Variants in PTPRT observed in about 807,000 individuals in gnomAD.
The protein encoded by PTPRT is receptor-type tyrosine-protein phosphatase T.
In PTPRT, 56 loss-of-function variants were observed where a neutral mutation model predicts 176.8. The ratio of observed to expected loss-of-function variants is 0.32; its 90% confidence interval spans 0.26 to 0.40. The LOEUF (loss-of-function observed/expected upper bound fraction) is 0.40. PTPRT is among the 10% of genes least tolerant of loss of function. The pLI is 1.00. For synonymous variants in PTPRT, 783 were observed against 739.0 expected, an observed-to-expected ratio of 1.06 and a Z score of -0.96; for missense variants, 1,540 against 1,908.2, an observed-to-expected ratio of 0.81 and a Z score of 3.60.
intron 9 of PTPRT, among the ~76,000 whole-genome samples, chr20:42,357,570 A>G (rs1862703100): frequency 6.6e-6 from 1 of 152,206 alleles, no homozygotes; most frequent in Admixed American, 6.5e-5. Context: ...CCTGGAAGAC[A>G]AGCCATTGTT....
In PTPRT at chr20:42,470,361, T is replaced by C. The variant is rs571281502; in HGVS notation, c.1450+1905A>G. 5.9e-5 allele frequency among the ~76,000 whole-genome samples: 9 copies of C among 152,256 alleles called. No homozygotes were observed. In the East Asian group the frequency reaches 1.7e-3, roughly 29 times the overall value. On this transcript the variant is annotated intron_variant, in intron 8 of 30. Transcript: ENST00000373187. Reference sequence around the variant, plus strand: ...CTGAACAGTTCCCTGAAGGCTCAGGTTGCAGCCAGTTTTTGCTGGACTTGG... The same window carrying C: ...CTGAACAGTTCCCTGAAGGCTCAGGCTGCAGCCAGTTTTTGCTGGACTTGG...
chr20:42,105,756 C>G (rs893757966), intron 24 of PTPRT, among the ~76,000 whole-genome samples: 1 of 152,232 alleles, frequency 6.6e-6, no homozygotes, highest in African/African-American at 2.4e-5. Flanking sequence ...TGTGAGTTAG[C>G]TCAGAGCCTA....
intron 7 of PTPRT, among the ~76,000 whole-genome samples, chr20:42,654,071 C>A (rs1407958066): frequency 6.6e-6 from 1 of 152,100 alleles, no homozygotes; most frequent in Non-Finnish European, 1.5e-5. Context: ...GCTGGAGAAG[C>A]TCTTGCAGGG....
At chr20:42,391,047 A>G (rs1002554291) in intron 9 of PTPRT, among the ~76,000 whole-genome samples, 3 of 152,210 alleles carry the variant, frequency 2.0e-5, no homozygotes, top group African/African-American at 2.4e-5. Context: ...AAGGGCCACA[A>G]TTAAACACAA....
chr20:42,163,332 T>G (rs1313339266), intron 16 of PTPRT, among the ~76,000 whole-genome samples: 1 of 152,194 alleles, frequency 6.6e-6, no homozygotes, highest in Admixed American at 6.5e-5. Context: ...CAGAAAGATT[T>G]CTAAGATTTA....
At chr20:43,186,133 T>A (rs1023335843) in intron 1 of PTPRT, among the ~76,000 whole-genome samples, 3 of 152,220 alleles carry the variant, frequency 2.0e-5, no homozygotes, top group Admixed American at 6.5e-5. Context: ...ATATTGCATC[T>A]TATTTGGTTA....
intron 1 of PTPRT, among the ~76,000 whole-genome samples, chr20:43,144,203 C>T (rs911657790): frequency 2.0e-5 from 3 of 152,198 alleles, no homozygotes; most frequent in African/African-American, 7.2e-5. Context: ...AAATACTCAA[C>T]TGCTCACCAG....
chr20:43,137,277 C>G (rs1600739380), intron 1 of PTPRT, among the ~76,000 whole-genome samples: 2 of 152,304 alleles, frequency 1.3e-5, no homozygotes, highest in Middle Eastern at 6.8e-3. Flanking sequence ...AGTGTTCTTT[C>G]TCCAGAGCAA....
intron 1 of PTPRT, among the ~76,000 whole-genome samples, chr20:42,906,559 C>T (rs1418332151): frequency 2.6e-5 from 4 of 152,186 alleles, no homozygotes; most frequent in Admixed American, 2.6e-4. Context: ...TAACACAAGC[C>T]ACCTACAGAT....
chr20:43,089,585 A>C (rs1043190749), intron 1 of PTPRT, among the ~76,000 whole-genome samples: 30 of 152,232 alleles, frequency 2.0e-4, no homozygotes, highest in African/African-American at 7.2e-4. Context: ...AACAGAAGCC[A>C]GGTGAGGTGG....
chr20:42,338,784 G>A (rs2058074246), intron 11 of PTPRT, among the ~76,000 whole-genome samples: 1 of 152,140 alleles, frequency 6.6e-6, no homozygotes, highest in Admixed American at 6.5e-5. Context: ...TTGGGATTCT[G>A]AGAAGTTCTG....
intron 1 of PTPRT, among the ~76,000 whole-genome samples, chr20:43,147,457 C>G (rs952238677): frequency 2.6e-5 from 4 of 152,182 alleles, no homozygotes; most frequent in Non-Finnish European, 5.9e-5. Context: ...CTACCTCCCC[C>G]ATCAGACCAG....
chr20:42,732,700 A>G (rs944951075), intron 6 of PTPRT, among the ~76,000 whole-genome samples: 1 of 152,222 alleles, frequency 6.6e-6, no homozygotes, highest in African/African-American at 2.4e-5. Context: ...AAAGTTGATT[A>G]GAACTCAGGT....
chr20:42,779,047 G>A (rs777322543), intron 4 of PTPRT, among the ~76,000 whole-genome samples: 31 of 152,134 alleles, frequency 2.0e-4, no homozygotes, highest in African/African-American at 5.6e-4. Flanking sequence ...AATAATGTTC[G>A]GAACTTGTAA....
chr20:42,107,276 G>A (rs1207752939), intron 23 of PTPRT, among the ~76,000 whole-genome samples: 1 of 152,164 alleles, frequency 6.6e-6, no homozygotes, highest in Non-Finnish European at 1.5e-5. Context: ...AAGAAGGAGA[G>A]GAGAGAGAAC....
intron 17 of PTPRT, among the ~76,000 whole-genome samples, chr20:42,142,833 T>C (rs1420784118): frequency 1.3e-5 from 2 of 152,156 alleles, no homozygotes; most frequent in Non-Finnish European, 2.9e-5. Context: ...ACTGAAACCA[T>C]GAAAAACAAA....
intron 7 of PTPRT, among the ~76,000 whole-genome samples, chr20:42,475,850 G>A (rs928588225): frequency 2.6e-5 from 4 of 152,160 alleles, no homozygotes; most frequent in African/African-American, 4.8e-5. Flanking sequence ...CAAGGATATC[G>A]TGATCTTGCC....
At chr20:42,671,435 G>T (rs1358203495) in intron 7 of PTPRT, among the ~76,000 whole-genome samples, 1 of 152,182 alleles carries the variant, frequency 6.6e-6, no homozygotes, top group Non-Finnish European at 1.5e-5. Flanking sequence ...ATCACAGAAA[G>T]TCTGCTGTTG....
Position 42,619,085 on chromosome 20 carries a change from C to T in PTPRT, c.1153+58781G>A, listed in dbSNP as rs189897826. ...ATTTTGCAGCGGCTGGTACCGGTTG[C>T]TCCTTTCCATGTTTAGCGCTTCCTT... On this transcript the variant is annotated intron_variant, in intron 7 of 30. Coordinates refer to ENST00000373187, the MANE Select transcript of PTPRT (RefSeq NM_007050.6). Among the ~76,000 whole-genome samples, 658 of 150,746 alleles carry T rather than the reference C, an allele frequency of 4.4e-3. 4 individuals are homozygous for T. Among genetic ancestry groups the T allele is most frequent in the African/African-American group, 0.013 (523 of 40,700 alleles).
Sources: allele counts gnomAD v4.1 joint callset (sites outside exome capture counted in the v4.1 genomes callset), GRCh38; gene constraint gnomAD v4.1.1; transcripts MANE v1.5; gene names NCBI Gene and HGNC (gene_info 2026-07-23, HGNC 2026-07-21).